Variants in SEZ6 observed in about 807,000 individuals in gnomAD.
SEZ6 encodes seizure protein 6 homolog.
In SEZ6, 53 loss-of-function variants were observed where a neutral mutation model predicts 101.0. The ratio of observed to expected loss-of-function variants is 0.52; its 90% confidence interval spans 0.42 to 0.66. The LOEUF (loss-of-function observed/expected upper bound fraction) is 0.66. Among genes scored for constraint, SEZ6 ranks in the 30% least tolerant of loss-of-function variants. The pLI is 0.00. For synonymous variants in SEZ6, 488 were observed against 512.2 expected (o/e 0.95, Z 0.64); for missense variants, 1,102 against 1,289.4 (o/e 0.85, Z 2.23).
chr17:28,959,529 C>T lies in SEZ6; in HGVS notation c.1772-57G>A, dbSNP rs527669933. On this transcript the variant is annotated intron_variant, in intron 8 of 16. Coordinates refer to ENST00000317338, the MANE Select transcript of SEZ6 (RefSeq NM_178860.5). This position sits in a 1 kb window ranked among gnomAD's most constrained non-coding sequence, Gnocchi z 4.4. ...TTCAAGCTTACCATGGTGTTGCTTA[C>T]CATCTGCCCGCAGGAGTGCCCACAA... 123 of 1,590,990 alleles carry T rather than the reference C, an allele frequency of 7.7e-5. No individual in the cohort carries two copies. The East Asian group carries it at 2.5e-3, about 33-fold the overall frequency.
intron 1 of SEZ6, among the ~76,000 whole-genome samples, chr17:28,993,451 C>A (rs2041492758): frequency 6.6e-6 from 1 of 152,184 alleles, no homozygotes; most frequent in Non-Finnish European, 1.5e-5. Flanking sequence ...CCACTTCTAC[C>A]ACCACCATAT....
intron 5 of SEZ6, among the ~76,000 whole-genome samples, chr17:28,961,571 G>A (rs929058499): frequency 1.3e-5 from 2 of 152,182 alleles, no homozygotes; most frequent in Non-Finnish European, 2.9e-5. Context: ...CATGCCATCC[G>A]CCCCGGCCTC....
At chr17:28,974,828 T>C (rs2041201193) in intron 3 of SEZ6, among the ~76,000 whole-genome samples, 1 of 152,220 alleles carries the variant, frequency 6.6e-6, no homozygotes, top group Admixed American at 6.5e-5. Context: ...CGCCTGGGTC[T>C]CCCACTTTGG....
At chr17:28,958,251 T>A in intron 10 of SEZ6, 110 bp from the exon 11 acceptor site, 3 of 1,331,956 alleles carry the variant, frequency 2.3e-6, no homozygotes, top group Non-Finnish European at 3.0e-6. Flanking sequence ...ACCTAGACTG[T>A]CCTGGGCGGG....
chr17:28,967,630 G>T, intron 4 of SEZ6, among the ~76,000 whole-genome samples: 1 of 152,182 alleles, frequency 6.6e-6, no homozygotes, highest in East Asian at 1.9e-4. Flanking sequence ...CTGACGCCTA[G>T]TGGGGTCTAG....
chr17:28,986,609 C>A (rs1179658499), intron 1 of SEZ6, among the ~76,000 whole-genome samples: 2 of 152,230 alleles, frequency 1.3e-5, no homozygotes, highest in South Asian at 4.1e-4. Flanking sequence ...CGCAGTGCCC[C>A]AGCCTGGGGG....
In SEZ6 at chr17:28,956,438, G is replaced by C. The variant is rs1348288249; in HGVS notation, c.2761C>G (p.Leu921Val). The change falls in exon 15 of 17, where the codon CTG becomes GTG. Residue 921 changes from leucine (L) to valine (V), a missense_variant. By Grantham distance (32) the Leu-to-Val change is conservative. Coordinates refer to ENST00000317338, the MANE Select transcript of SEZ6 (RefSeq NM_178860.5). The stretch of plus-strand genomic sequence containing the variant: ...GCAGCTGCAATGTGGGCAGCATCCA[G>C]GGTGCTGGAGGCAGCAGGTGCCTTG... ...VAKAPAASST[L>V]DAAHIAAAIF... 1.7e-5 allele frequency: 26 copies of C among 1,559,880 alleles called. No homozygotes were observed. Among genetic ancestry groups the C allele is most frequent in the Non-Finnish European group, 2.1e-5 (24 of 1,152,320 alleles).
rs1458733589 is a variant in SEZ6, at chr17:28,979,778, A to C, written c.760T>G (p.Ser254Ala). ...CSWNFSGPEGSLDSPTDLSSP... is the reference protein window; with the variant it reads ...CSWNFSGPEGALDSPTDLSSP... Reference sequence around the variant, plus strand: ...CTGAGGTCTGTAGGGGAGTCCAGAGAGCCCTCTGGGCCTGAGAAATTCCAG... The same window carrying C: ...CTGAGGTCTGTAGGGGAGTCCAGAGCGCCCTCTGGGCCTGAGAAATTCCAG... The change falls in exon 3 of 17, where the codon TCT becomes GCT. Residue 254 changes from serine to alanine, a missense_variant. By Grantham distance (99) the Ser-to-Ala change is moderately conservative. This residue lies in a region of SEZ6 where 406 missense variants were observed against 418.6 expected (regional missense o/e 0.97). Coordinates refer to ENST00000317338, the MANE Select transcript of SEZ6 (RefSeq NM_178860.5). 6.2e-7 allele frequency: 1 copy of C among 1,612,858 alleles called. No individual in the cohort carries two copies. Among genetic ancestry groups the C allele is most frequent in the Admixed American group, 1.7e-5 (1 of 59,824 alleles).
intron 1 of SEZ6, among the ~76,000 whole-genome samples, chr17:28,992,566 T>C (rs1310536346): frequency 6.6e-6 from 1 of 152,178 alleles, no homozygotes; most frequent in African/African-American, 2.4e-5. Context: ...AGGGATATAT[T>C]TCTCTCCAAG....
intron 4 of SEZ6, among the ~76,000 whole-genome samples, chr17:28,966,748 C>T (rs1395165733): frequency 6.7e-6 from 1 of 149,470 alleles, no homozygotes; most frequent in Non-Finnish European, 1.5e-5. Context: ...CTCTTTCTTC[C>T]CCCCCATTAA....
rs138196082 is a variant in SEZ6, at chr17:28,957,326, C to T, written c.2494+22G>A. 5.0e-6 allele frequency: 8 copies of T among 1,610,906 alleles called. No individual in the cohort carries two copies. In the East Asian group the frequency reaches 6.7e-5, roughly 13 times the overall value. On this transcript the variant is annotated intron_variant, in intron 12 of 16. Coordinates refer to ENST00000317338, the MANE Select transcript of SEZ6 (RefSeq NM_178860.5). ...TTTTATCTCCAGCTAGAGGTTTTCCCTCCTACTCAATTGACACTTACGGAG... is the reference window on the plus strand; with the variant it reads ...TTTTATCTCCAGCTAGAGGTTTTCCTTCCTACTCAATTGACACTTACGGAG...
intron 1 of SEZ6, among the ~76,000 whole-genome samples, chr17:28,996,043 C>T (rs1366952182): frequency 1.3e-5 from 2 of 151,496 alleles, no homozygotes; most frequent in Non-Finnish European, 2.9e-5. Context: ...CTCTGTTGCT[C>T]AGGCTGGAGT....
chr17:28,976,644 T>G (rs903827391), intron 3 of SEZ6, among the ~76,000 whole-genome samples: 1 of 152,156 alleles, frequency 6.6e-6, no homozygotes, highest in African/African-American at 2.4e-5. Flanking sequence ...CAGCATGGCC[T>G]GACACAACTG....
intron 1 of SEZ6, among the ~76,000 whole-genome samples, chr17:29,004,539 G>A (rs1437445516): frequency 2.6e-5 from 4 of 152,306 alleles, no homozygotes; most frequent in African/African-American, 2.4e-5. Context: ...AGGCTTCTGC[G>A]TCTCCGGGGC....
At chr17:28,979,879 CCG>C in intron 2 of SEZ6, 66 bp from the exon 3 acceptor site, 3 of 1,216,744 alleles carry the variant, frequency 2.5e-6, no homozygotes, top group South Asian at 1.4e-5. Flanking sequence ...TAAGGCTGAA[CCG>C]TGTGTGTGTG....
intron 5 of SEZ6, among the ~76,000 whole-genome samples, chr17:28,962,441 C>A (rs980655655): frequency 1.3e-5 from 2 of 152,202 alleles, no homozygotes; most frequent in Non-Finnish European, 2.9e-5. Context: ...CTGTGTTATT[C>A]AACTCTGGTT....
At chr17:28,969,126 G>A (rs2041112672) in intron 4 of SEZ6, among the ~76,000 whole-genome samples, 1 of 152,226 alleles carries the variant, frequency 6.6e-6, no homozygotes, top group South Asian at 2.1e-4. Flanking sequence ...CAGCCAATGA[G>A]GAGATTCAAA....
At chr17:28,960,321 T>G in intron 7 of SEZ6, 184 bp downstream of exon 7, 1 of 755,490 alleles carries the variant, frequency 1.3e-6, no homozygotes, top group Non-Finnish European at 2.2e-6. Flanking sequence ...TGCAAAGCTG[T>G]GGTAGGGATC....
At chr17:28,980,036 A>G (rs1336600340) in intron 2 of SEZ6, among the ~76,000 whole-genome samples, 2 of 148,286 alleles carry the variant, frequency 1.3e-5, no homozygotes, top group South Asian at 2.1e-4. Context: ...TTTAGTAGAG[A>G]TGGGGTTTCA....
Sources: gnomAD v4.1 joint callset for allele counts (sites outside exome capture counted in the v4.1 genomes callset) on GRCh38, gnomAD v4.1.1 for gene constraint, gnomAD v4.1.1 regional missense constraint, Gnocchi (gnomAD v3.1) non-coding constraint, MANE v1.5 for transcripts, NCBI Gene and HGNC (gene_info 2026-07-23, HGNC 2026-07-21) for gene names.